The following TRPV2 variants were observed in gnomAD, a reference collection of about 807,000 sequenced individuals.
The protein encoded by TRPV2 is OTRPC2.
In TRPV2, 58 loss-of-function variants were observed where a neutral mutation model predicts 91.0. The observed-to-expected ratio is 0.64, with a 90% CI of 0.52 to 0.79. The LOEUF (loss-of-function observed/expected upper bound fraction) is 0.79. Ranked by LOEUF, TRPV2 falls within the 30% of genes least tolerant of loss-of-function variation. The pLI is 0.00. For synonymous variants in TRPV2, 417 were observed against 414.8 expected (o/e 1.01, Z -0.06); for missense variants, 807 against 969.6 (o/e 0.83, Z 2.23).
At position 16,427,554 on chromosome 17, in the gene TRPV2, GC is replaced by G; in HGVS notation, c.1350+11del. The G allele has an allele frequency of 3.1e-6, 5 of 1,605,984 alleles. No homozygotes were observed. Among genetic ancestry groups the G allele is most frequent in the Non-Finnish European group, 4.3e-6 (5 of 1,175,204 alleles). ...CTACCTCCTCGTGGGCCAGGTGAGTGCCCCTCCCCTTCTCCTACCAAGAAGC... is the reference window on the plus strand; with the variant it reads ...CTACCTCCTCGTGGGCCAGGTGAGTGCCCTCCCCTTCTCCTACCAAGAAGC... On this transcript the variant is annotated splice_region_variant and intron_variant, in intron 8 of 14. Transcript: ENST00000338560.
Position 16,431,285 on chromosome 17 carries a change from ATACATATT to A in TRPV2, c.1588-497_1588-490del, listed in dbSNP as rs1376234833. On this transcript the variant is annotated intron_variant, in intron 10 of 14. Transcript: ENST00000338560. ...TATATATATATATATATATATATAT[ATACATATT>A]TTTTTTTTTTTTTTTTTTGAGACGA... is the stretch of plus-strand genomic sequence containing the variant. Among the ~76,000 whole-genome samples, 203 of 43,692 alleles carry A rather than the reference ATACATATT, an allele frequency of 4.6e-3. 3 individuals are homozygous for A. Among genetic ancestry groups the A allele is most frequent in the African/African-American group, 0.015 (188 of 12,152 alleles). The allele number at this position is 43,692 out of a possible 152,430, so 28.7% of individuals were successfully genotyped here. A position where few individuals can be genotyped will look rare whatever the true frequency, so the allele number is the denominator to read the frequency against.
intron 1 of TRPV2, among the ~76,000 whole-genome samples, chr17:16,417,149 G>A (rs1666362455): frequency 6.6e-6 from 1 of 151,946 alleles, no homozygotes; most frequent in South Asian, 2.1e-4. Flanking sequence ...ATCCCTCCTG[G>A]CCCACTTCCC....
intron 1 of TRPV2, among the ~76,000 whole-genome samples, chr17:16,417,334 G>A (rs972677022): frequency 4.7e-5 from 7 of 148,964 alleles, no homozygotes; most frequent in East Asian, 3.9e-4. Context: ...CTTAGCTTCC[G>A]GGTTTAAGCA....
At position 16,435,000 on chromosome 17, in the gene TRPV2, C is replaced by T. The variant is rs765087040; in HGVS notation, c.2194+31C>T. On this transcript the variant is annotated intron_variant, in intron 14 of 14. Transcript: ENST00000338560. Reference sequence around the variant, plus strand: ...TAGCCTGGTGACTAGAGCCTCTGCCCTGGGGTGTGTGTCTCTGCTGCTTGG... The same window carrying T: ...TAGCCTGGTGACTAGAGCCTCTGCCTTGGGGTGTGTGTCTCTGCTGCTTGG... 1.5e-5 allele frequency: 24 copies of T among 1,583,912 alleles called. No individual in the cohort carries two copies. In the South Asian group the frequency reaches 2.6e-4, roughly 17 times the overall value.
At position 16,426,936 on chromosome 17, in the gene TRPV2, G is replaced by T; in HGVS notation, c.1251+59G>T. On this transcript the variant is annotated intron_variant, in intron 7 of 14. Transcript: ENST00000338560. The surrounding 1 kb of genome is among the most constrained non-coding windows in gnomAD (Gnocchi z 6.0). ...GGGGAGGCCTGCTTGAAACAACCCTGGGGGAAGATGGGGCAGTAATAGTGC... is the reference window on the plus strand; with the variant it reads ...GGGGAGGCCTGCTTGAAACAACCCTTGGGGAAGATGGGGCAGTAATAGTGC... 1 of 1,564,088 alleles carries T rather than the reference G, an allele frequency of 6.4e-7. No homozygotes were observed. Among genetic ancestry groups the T allele is most frequent in the Middle Eastern group, 1.9e-4 (1 of 5,346 alleles).
chr17:16,425,972 C>G, intron 5 of TRPV2, 127 bp from the exon 6 acceptor site: 1 of 973,114 alleles, frequency 1.0e-6, no homozygotes, highest in Non-Finnish European at 1.6e-6. Flanking sequence ...TATGGGGGTA[C>G]GTGCACGTGT....
chr17:16,434,592 A>T, intron 13 of TRPV2: 1 of 342,106 alleles, frequency 2.9e-6, no homozygotes, highest in Non-Finnish European at 5.3e-6. Flanking sequence ...AGAACCCGGA[A>T]GCACAGATAC....
At chr17:16,429,328 A>G (rs1490201167) in intron 10 of TRPV2, among the ~76,000 whole-genome samples, 1 of 152,208 alleles carries the variant, frequency 6.6e-6, no homozygotes, top group African/African-American at 2.4e-5. Flanking sequence ...TTATGTATTC[A>G]GCGCATGTTT....
rs2093430130 is a variant in TRPV2, at chr17:16,435,183, G to A, written c.2194+214G>A. Among the ~76,000 whole-genome samples, 1 of 152,166 alleles carries A rather than the reference G, an allele frequency of 6.6e-6. No individual in the cohort carries two copies. The highest frequency in any genetic ancestry group is 2.1e-4 in the South Asian group (1 of 4,830). On this transcript the variant is annotated intron_variant, in intron 14 of 14. Transcript: ENST00000338560. The surrounding 1 kb of genome is among the most constrained non-coding windows in gnomAD (Gnocchi z 4.2). ...ACACCTTGCTTTCAGGCAGGAACCA[G>A]GGGAAACCTCTGAGGCTGTTAGCGC...
At position 16,423,573 on chromosome 17, in the gene TRPV2, C is replaced by T. The variant is rs1400131457; in HGVS notation, c.730C>T (p.Gln244Ter). ...QPASLQATDS[Q>*]GNTVLHALVM... ...CGCCAGCCTGCAGGCCACTGACTCC[C>T]AGGGCAACACAGTCCTGCATGCCCT... The change falls in exon 5 of 15, where the codon CAG (glutamine) becomes TAG (stop). Residue 244 changes from glutamine (Q) to a stop codon, truncating the protein, a stop_gained. Transcript: ENST00000338560. LOFTEE classifies it high-confidence loss of function. 6.2e-7 allele frequency: 1 copy of T among 1,614,206 alleles called. No homozygotes were observed. The highest frequency in any genetic ancestry group is 1.3e-5 in the African/African-American group (1 of 75,050).
intron 13 of TRPV2, among the ~76,000 whole-genome samples, chr17:16,434,263 T>G (rs1600993654): frequency 1.3e-5 from 2 of 151,688 alleles, no homozygotes; most frequent in Non-Finnish European, 2.9e-5. Flanking sequence ...GGTCAGGAGA[T>G]CGAGACCATC....
chr17:16,416,341 C>A, intron 1 of TRPV2: 1 of 156,076 alleles, frequency 6.4e-6, no homozygotes. Context: ...CCCCTGCCCC[C>A]TGCCCCCTTC....
intron 14 of TRPV2, among the ~76,000 whole-genome samples, chr17:16,436,294 A>C (rs2093433718): frequency 6.6e-6 from 1 of 152,204 alleles, no homozygotes. Context: ...ACTACCTGGA[A>C]GGCCGCACTG....
At position 16,426,384 on chromosome 17, in the gene TRPV2, T is replaced by A. The variant is rs2093383372; in HGVS notation, c.1095+115T>A. ...TGCCCCATTCCTGTGCCAGTGGGGG[T>A]GTGGCTGCATGTCCCAGCAGGCACG... is the stretch of plus-strand genomic sequence containing the variant. On this transcript the variant is annotated intron_variant, in intron 6 of 14. Coordinates refer to ENST00000338560, the MANE Select transcript of TRPV2 (RefSeq NM_016113.5). The surrounding 1 kb of genome is among the most constrained non-coding windows in gnomAD (Gnocchi z 6.0). 1.6e-6 allele frequency: 2 copies of A among 1,285,782 alleles called. No individual in the cohort carries two copies. Among genetic ancestry groups the A allele is most frequent in the Non-Finnish European group, 2.1e-6 (2 of 936,434 alleles). 79.6% of individuals were successfully genotyped at this position (1,285,782 alleles called of 1,614,324 possible). A position where few individuals can be genotyped will look rare whatever the true frequency, so the allele number is the denominator to read the frequency against.
rs2093337151 is a variant in TRPV2, at chr17:16,417,631, G to A, written c.-38G>A. The stretch of plus-strand genomic sequence containing the variant: ...GACCCTTGACATCTCCATCTGCACA[G>A]AGGTCCTGGCTGGACCGAGCAGCCT... On this transcript the variant is annotated 5_prime_UTR_variant, in exon 2 of 15. Transcript: ENST00000338560. 4 of 1,607,014 alleles carry A rather than the reference G, an allele frequency of 2.5e-6. No homozygotes were observed. Among genetic ancestry groups the A allele is most frequent in the Non-Finnish European group, 2.6e-6 (3 of 1,174,380 alleles).
chr17:16,434,910 C>T lies in TRPV2; in HGVS notation c.2135C>T (p.Ala712Val). 6.2e-7 allele frequency: 1 copy of T among 1,612,152 alleles called. No homozygotes were observed. The highest frequency in any genetic ancestry group is 8.5e-7 in the Non-Finnish European group (1 of 1,179,364). The change falls in exon 14 of 15, where the codon GCT becomes GTT. Residue 712 changes from alanine (A) to valine (V), a missense_variant. Ala to Val is a moderately conservative substitution (Grantham distance 64). Coordinates refer to ENST00000338560, the MANE Select transcript of TRPV2 (RefSeq NM_016113.5). Reference protein sequence around the residue: ...WCFRVEEVNWASWEQTLPTLC... With the variant: ...WCFRVEEVNWVSWEQTLPTLC... ...CTCAGGGTGGAGGAGGTGAACTGGGCTTCATGGGAGCAGACGCTGCCTACG... is the reference window on the plus strand; with the variant it reads ...CTCAGGGTGGAGGAGGTGAACTGGGTTTCATGGGAGCAGACGCTGCCTACG...
chr17:16,431,528 A>G (rs957130909), intron 10 of TRPV2, among the ~76,000 whole-genome samples: 1 of 151,470 alleles, frequency 6.6e-6, no homozygotes, highest in Non-Finnish European at 1.5e-5. Flanking sequence ...TGAACTCCCA[A>G]CCTCAGGTAA....
rs116317959 is a variant in TRPV2, at chr17:16,435,176, G to A, written c.2194+207G>A. Among the ~76,000 whole-genome samples the A allele has an allele frequency of 0.011, 1,611 of 152,282 alleles. 27 individuals are homozygous for A. The highest frequency in any genetic ancestry group is 0.037 in the African/African-American group (1,517 of 41,526). ...TCCACCCACACCTTGCTTTCAGGCA[G>A]GAACCAGGGGAAACCTCTGAGGCTG... On this transcript the variant is annotated intron_variant, in intron 14 of 14. Coordinates refer to ENST00000338560, the MANE Select transcript of TRPV2 (RefSeq NM_016113.5). The surrounding 1 kb of genome is among the most constrained non-coding windows in gnomAD (Gnocchi z 4.2).
intron 5 of TRPV2, 136 bp from the exon 6 acceptor site, chr17:16,425,963 A>C: frequency 1.1e-6 from 1 of 872,920 alleles, no homozygotes; most frequent in Non-Finnish European, 1.8e-6. Context: ...ACCTGCGTGT[A>C]TGGGGGTACG....
Sources: allele counts gnomAD v4.1 joint callset (sites outside exome capture counted in the v4.1 genomes callset), GRCh38; gene constraint gnomAD v4.1.1; non-coding constraint Gnocchi (gnomAD v3.1); transcripts MANE v1.5; gene names NCBI Gene and HGNC (gene_info 2026-07-23, HGNC 2026-07-21).